FOXP2: variants seen among roughly 807,000 people sequenced by gnomAD.
The protein encoded by FOXP2 is forkhead box protein P2.
FOXP2 carries 12 observed loss-of-function variants against 115.8 expected under a neutral mutation model. That is an observed-to-expected ratio of 0.10 (90% CI 0.07 to 0.17). FOXP2 has a LOEUF of 0.17. Ranked by LOEUF, FOXP2 falls within the 10% of genes least tolerant of loss-of-function variation. FOXP2 has a pLI of 1.00. For missense variants in FOXP2, 629 were observed against 843.5 expected, an observed-to-expected ratio of 0.75 and a Z score of 3.15; for synonymous variants, 328 against 297.7, an observed-to-expected ratio of 1.10 and a Z score of -1.05.
At chr7:114,485,966 T>G (rs62467872) in intron 2 of FOXP2, among the ~76,000 whole-genome samples, 2,892 of 152,294 alleles carry the variant, frequency 0.019, 38 homozygotes, top group Non-Finnish European at 0.03. Flanking sequence ...TCTCCTCATT[T>G]GCAAAATGGA....
At chr7:114,228,519 T>A (rs1429331365) in intron 1 of FOXP2, among the ~76,000 whole-genome samples, 1 of 151,972 alleles carries the variant, frequency 6.6e-6, no homozygotes, top group African/African-American at 2.4e-5. Context: ...TTCATTTTAC[T>A]GAAACCAGTC....
At chr7:114,206,509 A>G (rs1794205574) in intron 1 of FOXP2, among the ~76,000 whole-genome samples, 1 of 152,076 alleles carries the variant, frequency 6.6e-6, no homozygotes, top group South Asian at 2.1e-4. Context: ...TCAAATCCCC[A>G]TAGAGGCCTT....
intron 2 of FOXP2, among the ~76,000 whole-genome samples, chr7:114,362,528 C>G (rs2245190): frequency 0.16 from 24,308 of 151,888 alleles, 2,315 homozygotes; most frequent in East Asian, 0.46. Context: ...GTGGGTGATG[C>G]CTGAAATATG....
At chr7:114,617,421 G>A (rs865965678) in intron 3 of FOXP2, among the ~76,000 whole-genome samples, 14 of 152,070 alleles carry the variant, frequency 9.2e-5, no homozygotes, top group Middle Eastern at 3.2e-3. Flanking sequence ...TTGTTGCCAC[G>A]AATATTTCTA....
chr7:114,591,332 A>T (rs1354335978), intron 3 of FOXP2, among the ~76,000 whole-genome samples: 1 of 152,150 alleles, frequency 6.6e-6, no homozygotes, highest in Non-Finnish European at 1.5e-5. Context: ...ATCCTTGATC[A>T]TCTGTCTAAA....
intron 2 of FOXP2, among the ~76,000 whole-genome samples, chr7:114,502,960 C>T (rs544699971): frequency 1.1e-4 from 16 of 152,008 alleles, no homozygotes; most frequent in Non-Finnish European, 2.2e-4. Context: ...GGCAAATAAG[C>T]ACACCAAAAA....
chr7:114,641,208 T>C (rs943143305), intron 6 of FOXP2, among the ~76,000 whole-genome samples: 1 of 152,188 alleles, frequency 6.6e-6, no homozygotes, highest in Admixed American at 6.5e-5. Flanking sequence ...TCTATTAGTT[T>C]GTACTGAGGA....
intron 3 of FOXP2, among the ~76,000 whole-genome samples, chr7:114,565,614 T>C (rs1169910827): frequency 6.6e-6 from 1 of 152,154 alleles, no homozygotes; most frequent in Admixed American, 6.6e-5. Flanking sequence ...AGATATGTGA[T>C]ACACAGTAGC....
intron 2 of FOXP2, among the ~76,000 whole-genome samples, chr7:114,479,691 G>A (rs927918461): frequency 1.3e-5 from 2 of 151,446 alleles, no homozygotes; most frequent in African/African-American, 4.8e-5. Flanking sequence ...TGAAATTTTT[G>A]TAAGTATACA....
At chr7:114,604,395 G>T (rs1803195173) in intron 3 of FOXP2, among the ~76,000 whole-genome samples, 1 of 152,078 alleles carries the variant, frequency 6.6e-6, no homozygotes, top group African/African-American at 2.4e-5. Context: ...GTATAACAAT[G>T]CCTAAGAAAG....
chr7:114,660,818 T>A (rs1168576660), intron 13 of FOXP2, among the ~76,000 whole-genome samples: 1 of 152,148 alleles, frequency 6.6e-6, no homozygotes, highest in Non-Finnish European at 1.5e-5. Context: ...TTTGATTTAC[T>A]GAAAGAAATT....
intron 2 of FOXP2, among the ~76,000 whole-genome samples, chr7:114,353,142 T>C (rs1293480098): frequency 1.3e-5 from 2 of 152,088 alleles, no homozygotes; most frequent in Non-Finnish European, 2.9e-5. Flanking sequence ...CTTTTTCCTA[T>C]CATGGCATGA....
intron 5 of FOXP2, among the ~76,000 whole-genome samples, chr7:114,630,868 C>A (rs1804864436): frequency 6.6e-6 from 1 of 152,208 alleles, no homozygotes; most frequent in Non-Finnish European, 1.5e-5. Flanking sequence ...AGGTCTTCCA[C>A]AGCAGCTTGT....
chr7:114,329,146 T>C (rs906554558), intron 2 of FOXP2, among the ~76,000 whole-genome samples: 6 of 152,174 alleles, frequency 3.9e-5, no homozygotes, highest in African/African-American at 1.4e-4. Flanking sequence ...TTAGTTATTT[T>C]GAAAAATAAA....
At chr7:114,235,632 G>A (rs62469198) in intron 1 of FOXP2, among the ~76,000 whole-genome samples, 10,441 of 152,020 alleles carry the variant, frequency 0.069, 485 homozygotes, top group African/African-American at 0.13. Context: ...CCTTCCTTAG[G>A]TCATAGAATT....
At chr7:114,613,736 A>C (rs541133826) in intron 3 of FOXP2, 3 of 151,610 alleles carry the variant, frequency 2.0e-5, no homozygotes, top group Non-Finnish European at 4.4e-5. Context: ...TTAGCAAGAC[A>C]TAAAGAGTCT....
At chr7:114,501,257 G>A (rs1280080578) in intron 2 of FOXP2, among the ~76,000 whole-genome samples, 7 of 151,940 alleles carry the variant, frequency 4.6e-5, no homozygotes, top group Admixed American at 1.3e-4. Flanking sequence ...GGTTAGTTAC[G>A]CCAAGCCTGT....
chr7:114,451,610 T>C (rs886411946), intron 2 of FOXP2, among the ~76,000 whole-genome samples: 1 of 152,066 alleles, frequency 6.6e-6, no homozygotes, highest in Non-Finnish European at 1.5e-5. Context: ...TATTGGACTA[T>C]ATGAAAATAT....
At chr7:114,537,212 G>A (rs897218582) in intron 3 of FOXP2, among the ~76,000 whole-genome samples, 1 of 151,452 alleles carries the variant, frequency 6.6e-6, no homozygotes, top group African/African-American at 2.4e-5. Context: ...TTAACCAAGT[G>A]TTTAACCAAA....
Sources: allele counts gnomAD v4.1 joint callset (sites outside exome capture counted in the v4.1 genomes callset), GRCh38; gene constraint gnomAD v4.1.1; transcripts MANE v1.5; gene names NCBI Gene and HGNC (gene_info 2026-07-23, HGNC 2026-07-21).